Variants in EYS observed in about 807,000 individuals in gnomAD.
EYS encodes the protein EGF-like photoreceptor maintenance factor.
In EYS, 250 loss-of-function variants were observed where a neutral mutation model predicts 282.1. The ratio of observed to expected loss-of-function variants is 0.89; its 90% CI spans 0.80 to 0.98. EYS has a LOEUF of 0.98. Ranked by LOEUF, EYS falls within the 50% of genes least tolerant of loss-of-function variation. The pLI is 0.00. For missense variants in EYS, 4,016 were observed against 3,709.0 expected, an observed-to-expected ratio of 1.08 and a Z score of -2.15; for synonymous variants, 1,355 against 1,282.9, an observed-to-expected ratio of 1.06 and a Z score of -1.20.
intron 12 of EYS, among the ~76,000 whole-genome samples, chr6:65,181,076 A>G (rs932491005): frequency 9.9e-5 from 15 of 152,198 alleles, no homozygotes; most frequent in Non-Finnish European, 2.1e-4. Context: ...TTAGAGACTT[A>G]AATGTTAGAC....
chr6:65,043,586 C>G (rs368807639), intron 13 of EYS, among the ~76,000 whole-genome samples: 56 of 151,514 alleles, frequency 3.7e-4, no homozygotes, highest in African/African-American at 1.3e-3. Context: ...TTATTTTGCT[C>G]TCTGCTACTA....
intron 13 of EYS, among the ~76,000 whole-genome samples, chr6:65,020,448 T>TGGGCA (rs1772214275): frequency 2.0e-5 from 3 of 152,196 alleles, no homozygotes; most frequent in Non-Finnish European, 4.4e-5. Flanking sequence ...TGGTCTCCTT[T>TGGGCA]GCTCCATGTC....
At chr6:63,901,365 A>G (rs976799987) in intron 35 of EYS, among the ~76,000 whole-genome samples, 2 of 152,224 alleles carry the variant, frequency 1.3e-5, no homozygotes, top group Non-Finnish European at 2.9e-5. Context: ...AGTGAAATAA[A>G]CATACTGTTC....
At chr6:64,655,031 A>G (rs1583002686) in intron 22 of EYS, among the ~76,000 whole-genome samples, 1 of 152,314 alleles carries the variant, frequency 6.6e-6, no homozygotes, top group South Asian at 2.1e-4. Flanking sequence ...ATTGTGATAG[A>G]AAGTTTTACC....
chr6:63,866,383 G>A (rs1202336977), intron 35 of EYS, among the ~76,000 whole-genome samples: 1 of 152,158 alleles, frequency 6.6e-6, no homozygotes, highest in Middle Eastern at 3.2e-3. Flanking sequence ...TAGCATTCTT[G>A]AGAGCTGCCT....
chr6:65,365,164 T>A (rs190475399), intron 8 of EYS, among the ~76,000 whole-genome samples: 1 of 151,696 alleles, frequency 6.6e-6, no homozygotes, highest in African/African-American at 2.4e-5. Flanking sequence ...TCTGTTCTTA[T>A]AGCAGAAGTA....
intron 29 of EYS, among the ~76,000 whole-genome samples, chr6:64,344,189 C>T (rs1388024247): frequency 3.9e-5 from 6 of 152,112 alleles, no homozygotes; most frequent in Middle Eastern, 3.2e-3. Flanking sequence ...AAGAGGGAAT[C>T]CTCCCTAACT....
chr6:64,234,683 T>C (rs1050702465), intron 30 of EYS, among the ~76,000 whole-genome samples: 3 of 152,180 alleles, frequency 2.0e-5, no homozygotes, highest in African/African-American at 7.2e-5. Flanking sequence ...GTCATTTCCC[T>C]TAACAGCCAC....
intron 22 of EYS, among the ~76,000 whole-genome samples, chr6:64,804,757 A>T (rs1764372296): frequency 1.3e-5 from 2 of 152,154 alleles, no homozygotes; most frequent in Admixed American, 1.3e-4. Context: ...ATATCTGTGT[A>T]TTTATATTTT....
At chr6:65,142,479 A>AACACACACAC (rs71268364) in intron 12 of EYS, among the ~76,000 whole-genome samples, 6,124 of 134,888 alleles carry the variant, frequency 0.045, 185 homozygotes, top group Non-Finnish European at 0.055. Context: ...AGAAATACAA[A>AACACACACAC]ACACACACAC....
intron 36 of EYS, among the ~76,000 whole-genome samples, chr6:63,816,698 T>C (rs1330285428): frequency 3.3e-5 from 5 of 152,242 alleles, no homozygotes; most frequent in Admixed American, 2.6e-4. Context: ...GGTGCAAATC[T>C]TGGGGAGATT....
At chr6:63,733,616 A>G (rs1170334623) in intron 41 of EYS, among the ~76,000 whole-genome samples, 5 of 152,144 alleles carry the variant, frequency 3.3e-5, no homozygotes, top group East Asian at 3.9e-4. Flanking sequence ...AACATTTTCA[A>G]TGATGCTAGT....
At chr6:64,268,084 T>A (rs1767818515) in intron 30 of EYS, among the ~76,000 whole-genome samples, 2 of 151,940 alleles carry the variant, frequency 1.3e-5, no homozygotes, top group Non-Finnish European at 1.5e-5. Context: ...ATCACAGCAT[T>A]TTTTTTTCCT....
chr6:64,032,268 C>T (rs1013371530), intron 33 of EYS, among the ~76,000 whole-genome samples: 1 of 152,050 alleles, frequency 6.6e-6, no homozygotes, highest in Non-Finnish European at 1.5e-5. Flanking sequence ...TAACACTCAC[C>T]GCGAGGGTCC....
At chr6:65,230,705 T>C (rs1766749353) in intron 12 of EYS, among the ~76,000 whole-genome samples, 1 of 151,782 alleles carries the variant, frequency 6.6e-6, no homozygotes, top group Non-Finnish European at 1.5e-5. Context: ...ACGTTGACAA[T>C]TATTTTTCTT....
At chr6:64,673,169 G>T (rs1769526453) in intron 22 of EYS, among the ~76,000 whole-genome samples, 1 of 151,008 alleles carries the variant, frequency 6.6e-6, no homozygotes, top group Non-Finnish European at 1.5e-5. Flanking sequence ...TCATATTCAG[G>T]ATATTAGTAT....
At chr6:65,490,790 A>G in intron 4 of EYS, 83 bp from the exon 5 acceptor site, 2 of 762,500 alleles carry the variant, frequency 2.6e-6, no homozygotes, top group East Asian at 2.7e-5. Context: ...TAATAATGAA[A>G]ATATCAAATT....
At chr6:64,375,501 A>C (rs1232000483) in intron 29 of EYS, among the ~76,000 whole-genome samples, 2 of 152,236 alleles carry the variant, frequency 1.3e-5, no homozygotes, top group Non-Finnish European at 2.9e-5. Context: ...CATGTTGGAC[A>C]GAGTTTAACC....
chr6:64,650,441 C>T (rs562549995), intron 22 of EYS, among the ~76,000 whole-genome samples: 1 of 151,654 alleles, frequency 6.6e-6, no homozygotes, highest in African/African-American at 2.4e-5. Flanking sequence ...CAAAGAGAAA[C>T]CCCAAAAAGA....
Sources: allele counts gnomAD v4.1 joint callset (sites outside exome capture counted in the v4.1 genomes callset), GRCh38; gene constraint gnomAD v4.1.1; transcripts MANE v1.5; gene names NCBI Gene and HGNC (gene_info 2026-07-23, HGNC 2026-07-21).